Variants in PTPRF observed in about 807,000 individuals in gnomAD.
PTPRF encodes the protein receptor-type tyrosine-protein phosphatase F.
In PTPRF, 59 loss-of-function variants were observed where a neutral mutation model predicts 201.8. The ratio of observed to expected loss-of-function variants is 0.29; its 90% CI spans 0.24 to 0.36. The LOEUF (loss-of-function observed/expected upper bound fraction) is 0.36, where lower values mean the gene tolerates loss of function less well. PTPRF is among the 10% of genes least tolerant of loss of function. PTPRF has a pLI of 1.00. For synonymous variants in PTPRF, 1,088 were observed against 1,089.7 expected (o/e 1.00, Z 0.03); for missense variants, 2,132 against 2,690.5 (o/e 0.79, Z 4.59).
At chr1:43,527,787 A>G (rs1034279913), upstream of PTPRF, among the ~76,000 whole-genome samples, 6 of 152,204 alleles carry the variant, frequency 3.9e-5, no homozygotes, top group African/African-American at 7.2e-5. Context: ...TAGCAGGCAC[A>G]CAGGCTAGCG....
At chr1:43,617,638 A>G in intron 24 of PTPRF, 70 bp downstream of exon 24, 1 of 1,607,490 alleles carries the variant, frequency 6.2e-7, no homozygotes, top group Non-Finnish European at 8.5e-7. Flanking sequence ...ATGTCATTCT[A>G]CAGAGGATGT....
At chr1:43,541,718 C>T (rs1250801677) in intron 2 of PTPRF, among the ~76,000 whole-genome samples, 1 of 152,090 alleles carries the variant, frequency 6.6e-6, no homozygotes, top group Non-Finnish European at 1.5e-5. Context: ...CAAGAAAGGG[C>T]AGTTGGCAGC....
intron 6 of PTPRF, among the ~76,000 whole-genome samples, chr1:43,578,141 G>GCTCCAAC (rs906553623): frequency 6.6e-6 from 1 of 152,220 alleles, no homozygotes; most frequent in African/African-American, 2.4e-5. Flanking sequence ...CCGAGTGAGA[G>GCTCCAAC]CTCCAACCTC....
At chr1:43,524,520 G>A (rs1044022603), upstream of PTPRF, among the ~76,000 whole-genome samples, 1 of 152,144 alleles carries the variant, frequency 6.6e-6, no homozygotes, top group Non-Finnish European at 1.5e-5. Flanking sequence ...AATAAATAAA[G>A]TTGATGGAGA....
At chr1:43,523,890 GA>G (rs57872715), upstream of PTPRF, among the ~76,000 whole-genome samples, 45,567 of 135,874 alleles carry the variant, frequency 0.34, 7,201 homozygotes, top group East Asian at 0.52. Flanking sequence ...GTCTACTAAA[GA>G]AAAAAAAAAA....
At position 43,606,471 on chromosome 1, in the gene PTPRF, C is replaced by T. The variant is rs769309109; in HGVS notation, c.3702+13C>T. 54 of 1,604,966 alleles carry T rather than the reference C, an allele frequency of 3.4e-5. No individual in the cohort carries two copies. Among genetic ancestry groups the T allele is most frequent in the East Asian group, 1.1e-4 (5 of 44,706 alleles). On this transcript the variant is annotated intron_variant, in intron 20 of 33. Coordinates refer to ENST00000359947, the MANE Select transcript of PTPRF (RefSeq NM_002840.5). ...ACCCATGGACCAGGTCTGCCTGAGC[C>T]GGCTTGGCTGTCAGCACCCTGATTC...
intron 6 of PTPRF, among the ~76,000 whole-genome samples, chr1:43,577,864 C>CG (rs1410478886): frequency 6.6e-6 from 1 of 152,128 alleles, no homozygotes; most frequent in Non-Finnish European, 1.5e-5. Flanking sequence ...TGCCTGTGCC[C>CG]GGGGGTGTGT....
intron 11 of PTPRF, among the ~76,000 whole-genome samples, 178 bp downstream of exon 11, chr1:43,592,779 A>G (rs1034475152): frequency 3.3e-5 from 5 of 152,024 alleles, no homozygotes; most frequent in Admixed American, 6.5e-5. Context: ...AGTGCCTCCC[A>G]GTCTGTCCAG....
chr1:43,604,064 C>A lies in PTPRF; in HGVS notation c.2912C>A (p.Thr971Asn). ...GAGCTGCAGAACATCACGACAGACA[C>A]CCGCTTTACCCTTACTGGCCTCAAG... ...QQELQNITTDTRFTLTGLKPD... is the reference protein window; with the variant it reads ...QQELQNITTDNRFTLTGLKPD... Residue 971 changes from threonine (T) to asparagine (N), a missense_variant, in exon 16 of 34, where the codon ACC becomes AAC. Physicochemically the swap from Thr to Asn is moderately conservative, Grantham distance 65 (BLOSUM62 0). This residue lies in a region of PTPRF where 818 missense variants were observed against 915.3 expected (regional missense o/e 0.89). Transcript: ENST00000359947. The A allele has an allele frequency of 6.2e-7, 1 of 1,614,240 alleles. No individual in the cohort carries two copies. The highest frequency in any genetic ancestry group is 8.5e-7 in the Non-Finnish European group (1 of 1,180,048).
At chr1:43,535,681 G>T (rs562396101) in intron 1 of PTPRF, among the ~76,000 whole-genome samples, 4 of 152,208 alleles carry the variant, frequency 2.6e-5, no homozygotes, top group African/African-American at 9.6e-5. Context: ...CCAGCCCTGC[G>T]TTGGCCCCAA....
chr1:43,589,104 G>A, intron 8 of PTPRF, 104 bp downstream of exon 8: 1 of 1,361,804 alleles, frequency 7.3e-7, no homozygotes, highest in African/African-American at 1.5e-5. Flanking sequence ...ATGGCTGAGG[G>A]ATTCTTGCCC....
At chr1:43,540,625 ACTC>A (rs1439479946) in intron 2 of PTPRF, among the ~76,000 whole-genome samples, 1 of 151,970 alleles carries the variant, frequency 6.6e-6, no homozygotes, top group East Asian at 1.9e-4. Context: ...TCTCTGCGAC[ACTC>A]CTCCTAATCT....
chr1:43,604,843 C>G, intron 16 of PTPRF, 60 bp from the exon 17 acceptor site: 4 of 1,438,266 alleles, frequency 2.8e-6, no homozygotes, highest in Non-Finnish European at 3.9e-6. Flanking sequence ...TTCCACCCTT[C>G]CAGCCCATTC....
intron 8 of PTPRF, among the ~76,000 whole-genome samples, chr1:43,589,694 C>CAA (rs1557783718): frequency 3.8e-5 from 3 of 78,040 alleles, no homozygotes; most frequent in Admixed American, 1.3e-4. Context: ...CCCATCTCTA[C>CAA]GAAAAAAAAA....
rs539642908 is a variant in PTPRF, at chr1:43,599,237, A to G, written c.2313+324A>G. Among the ~76,000 whole-genome samples the G allele has an allele frequency of 1.2e-3, 178 of 152,156 alleles. 2 individuals carry two copies. The highest frequency in any genetic ancestry group is 4.2e-3 in the African/African-American group (173 of 41,506). On this transcript the variant is annotated intron_variant, in intron 13 of 33. Coordinates refer to ENST00000359947, the MANE Select transcript of PTPRF (RefSeq NM_002840.5). ...ATTACAGGCGTCTGCCACTGCGCCT[A>G]GCCAATTTTCGTATTTTTAGTAGAG...
intron 2 of PTPRF, among the ~76,000 whole-genome samples, chr1:43,543,654 T>C (rs1488718398): frequency 1.3e-5 from 2 of 152,100 alleles, no homozygotes; most frequent in Non-Finnish European, 2.9e-5. Flanking sequence ...GAGACAAGGG[T>C]TCAAATTTCA....
intron 6 of PTPRF, among the ~76,000 whole-genome samples, chr1:43,577,316 G>A (rs1175252397): frequency 2.0e-5 from 3 of 152,182 alleles, no homozygotes; most frequent in Admixed American, 6.5e-5. Context: ...GACCTGTTGG[G>A]TGCCCATCAG....
rs766470171 is a variant in PTPRF, at chr1:43,588,198, TC to T, written c.680-532del. Among the ~76,000 whole-genome samples the T allele has an allele frequency of 6.6e-5, 10 of 152,226 alleles. No homozygotes were observed. The highest frequency in any genetic ancestry group is 1.2e-4 in the Non-Finnish European group (8 of 68,018). On this transcript the variant is annotated intron_variant, in intron 7 of 33. Transcript: ENST00000359947. The surrounding 1 kb of genome is among the most constrained non-coding windows in gnomAD (Gnocchi z 5.3). Reference sequence around the variant, plus strand: ...CTGCTGCTTGCCTTATTTCTTCCCCTCAGGCCATGGCCTGGAGGTGGAGGCA... The same window carrying T: ...CTGCTGCTTGCCTTATTTCTTCCCCTAGGCCATGGCCTGGAGGTGGAGGCA...
chr1:43,544,388 T>G (rs911060377), intron 2 of PTPRF, among the ~76,000 whole-genome samples: 10 of 152,194 alleles, frequency 6.6e-5, no homozygotes, highest in African/African-American at 2.2e-4. Context: ...CAAGAGCACG[T>G]CCTGGTGAGC....
Sources: allele counts gnomAD v4.1 joint callset (sites outside exome capture counted in the v4.1 genomes callset), GRCh38; gene constraint gnomAD v4.1.1; regional missense constraint gnomAD v4.1.1; non-coding constraint Gnocchi (gnomAD v3.1); transcripts MANE v1.5; gene names NCBI Gene and HGNC (gene_info 2026-07-23, HGNC 2026-07-21).